DGKB: variants seen among roughly 807,000 people sequenced by gnomAD.
DGKB encodes the protein 90 kDa diacylglycerol kinase.
DGKB carries 67 observed loss-of-function variants against 114.3 expected under a neutral mutation model. The observed-to-expected ratio is 0.59, with a 90% confidence interval of 0.48 to 0.72. The LOEUF is 0.72. Among genes scored for constraint, DGKB ranks in the 30% least tolerant of loss-of-function variants. The pLI, the probability that DGKB is intolerant of heterozygous loss-of-function variation, is 0.00. For missense variants in DGKB, 907 were observed against 975.2 expected (o/e 0.93, Z 0.93); for synonymous variants, 398 against 323.1 (o/e 1.23, Z -2.49).
chr7:14,520,156 G>C (rs544486580), intron 20 of DGKB, among the ~76,000 whole-genome samples: 25 of 149,242 alleles, frequency 1.7e-4, no homozygotes, highest in African/African-American at 6.1e-4. Flanking sequence ...ATTTTTTCCA[G>C]AAGTGTTATA....
intron 20 of DGKB, among the ~76,000 whole-genome samples, chr7:14,566,205 G>A (rs1203307671): frequency 6.6e-6 from 1 of 152,048 alleles, no homozygotes; most frequent in Non-Finnish European, 1.5e-5. Context: ...TTATATGTAA[G>A]GGTAATAATT....
At chr7:14,377,647 A>C (rs1818718256) in intron 21 of DGKB, among the ~76,000 whole-genome samples, 1 of 152,174 alleles carries the variant, frequency 6.6e-6, no homozygotes, top group Non-Finnish European at 1.5e-5. Context: ...TGCATATTGA[A>C]ACAGTGTATA....
intron 25 of DGKB, 171 bp downstream of exon 25, chr7:14,176,668 G>A (rs965846038): frequency 2.4e-5 from 34 of 1,407,072 alleles, no homozygotes; most frequent in Middle Eastern, 2.0e-4. Context: ...GGTATATAAT[G>A]TCTACAACCT....
At chr7:14,750,389 T>C (rs1833930434) in intron 4 of DGKB, among the ~76,000 whole-genome samples, 1 of 152,216 alleles carries the variant, frequency 6.6e-6, no homozygotes, top group Admixed American at 6.5e-5. Context: ...TTATTCAGTT[T>C]CCCACTCTTG....
intron 23 of DGKB, among the ~76,000 whole-genome samples, chr7:14,249,248 G>C (rs1196530298): frequency 6.6e-6 from 1 of 152,124 alleles, no homozygotes; most frequent in African/African-American, 2.4e-5. Flanking sequence ...TGGTTTGCTA[G>C]TATATTGTGG....
At chr7:14,454,437 A>T (rs1030862335) in intron 21 of DGKB, among the ~76,000 whole-genome samples, 1 of 152,080 alleles carries the variant, frequency 6.6e-6, no homozygotes, top group Non-Finnish European at 1.5e-5. Context: ...ACAAACATTC[A>T]TGTTCAATAG....
chr7:14,960,916 C>G (rs1411807179), intron 1 of DGKB, among the ~76,000 whole-genome samples: 1 of 152,032 alleles, frequency 6.6e-6, no homozygotes, highest in Non-Finnish European at 1.5e-5. Flanking sequence ...TACCCATGAT[C>G]TCGGGCGTGG....
At chr7:14,222,983 C>A (rs1790239389) in intron 23 of DGKB, among the ~76,000 whole-genome samples, 1 of 151,626 alleles carries the variant, frequency 6.6e-6, no homozygotes, top group Non-Finnish European at 1.5e-5. Flanking sequence ...TTTGCATGAT[C>A]TGTCTTTCCC....
chr7:14,871,636 T>C (rs1342340999), intron 1 of DGKB, among the ~76,000 whole-genome samples: 2 of 152,166 alleles, frequency 1.3e-5, no homozygotes, highest in African/African-American at 4.8e-5. Context: ...GCCTTCTGTT[T>C]CTTATAAAAC....
At chr7:14,693,071 C>G (rs900270785) in intron 9 of DGKB, among the ~76,000 whole-genome samples, 1 of 152,008 alleles carries the variant, frequency 6.6e-6, no homozygotes. Context: ...TCTTGAATAA[C>G]TATGATATAG....
chr7:14,647,049 G>T (rs1813177083), intron 13 of DGKB, among the ~76,000 whole-genome samples: 1 of 151,226 alleles, frequency 6.6e-6, no homozygotes, highest in Non-Finnish European at 1.5e-5. Context: ...TTTCTGAAAA[G>T]ATAAACTAAA....
At chr7:14,423,815 T>G (rs563881047) in intron 21 of DGKB, among the ~76,000 whole-genome samples, 1 of 152,246 alleles carries the variant, frequency 6.6e-6, no homozygotes, top group African/African-American at 2.4e-5. Flanking sequence ...AAACTCTTAA[T>G]TGCTTTCTCA....
intron 1 of DGKB, among the ~76,000 whole-genome samples, chr7:14,887,810 T>C (rs1389469456): frequency 6.6e-6 from 1 of 151,742 alleles, no homozygotes; most frequent in African/African-American, 2.4e-5. Flanking sequence ...AATTTTAAAA[T>C]ATGCTACTTT....
chr7:14,376,012 G>A (rs1818424952), intron 21 of DGKB, among the ~76,000 whole-genome samples: 1 of 152,196 alleles, frequency 6.6e-6, no homozygotes, highest in Admixed American at 6.5e-5. Context: ...CTAGAAACAA[G>A]AATACTGACC....
At chr7:14,953,971 A>G (rs1485361183) in intron 1 of DGKB, among the ~76,000 whole-genome samples, 4 of 152,006 alleles carry the variant, frequency 2.6e-5, no homozygotes, top group East Asian at 1.9e-4. Context: ...CACCAGCCCA[A>G]CTGAAGAAGA....
intron 1 of DGKB, among the ~76,000 whole-genome samples, chr7:14,925,887 C>T (rs1562880480): frequency 6.6e-6 from 1 of 151,324 alleles, no homozygotes; most frequent in Non-Finnish European, 1.5e-5. Context: ...TTCCAGTATG[C>T]ATGTCTTTAT....
rs541840328 is a variant in DGKB at position 14,407,253 on chromosome 7, C to T, written c.1836-61862G>A. On this transcript the variant is annotated intron_variant, in intron 21 of 25. Coordinates refer to ENST00000402815, the MANE Select transcript of DGKB (RefSeq NM_001350709.2). ...TTGCCCACATGGATTTGAAATTTGT[C>T]CTTAATTTATTCATCAAATGTAGTT... Among the ~76,000 whole-genome samples, 37 of 152,174 alleles carry T rather than the reference C, an allele frequency of 2.4e-4. 1 individual carries two copies. In the South Asian group the frequency reaches 7.7e-3, roughly 32 times the overall value.
intron 23 of DGKB, among the ~76,000 whole-genome samples, chr7:14,307,561 C>G (rs1804695791): frequency 6.6e-6 from 1 of 152,068 alleles, no homozygotes; most frequent in Non-Finnish European, 1.5e-5. Flanking sequence ...AAGAAATATG[C>G]TCAAAACTGT....
chr7:14,727,912 G>A (rs908346964), intron 5 of DGKB, among the ~76,000 whole-genome samples: 3 of 152,194 alleles, frequency 2.0e-5, no homozygotes, highest in African/African-American at 4.8e-5. Flanking sequence ...AGAACATTCA[G>A]TAAGTCTATT....
Sources: allele counts gnomAD v4.1 joint callset (sites outside exome capture counted in the v4.1 genomes callset), GRCh38; gene constraint gnomAD v4.1.1; transcripts MANE v1.5; gene names NCBI Gene and HGNC (gene_info 2026-07-23, HGNC 2026-07-21).